RBFOX1: variants seen among roughly 807,000 people sequenced by gnomAD.
RBFOX1 encodes the protein RNA binding fox-1 homolog 1.
A neutral mutation model predicts 57.7 loss-of-function variants in RBFOX1; 8 were observed. The ratio of observed to expected loss-of-function variants is 0.14; its 90% CI spans 0.08 to 0.25. RBFOX1 has a LOEUF of 0.25. Ranked by LOEUF, RBFOX1 falls within the 10% of genes least tolerant of loss-of-function variation. RBFOX1 has a pLI of 1.00. For missense variants in RBFOX1, 611 were observed against 548.5 expected (o/e 1.11, Z -1.14); for synonymous variants, 326 against 222.4 (o/e 1.47, Z -4.15).
rs1596445431 is a variant in RBFOX1 at position 6,021,518 on chromosome 16, C to T, written c.-127+1526C>T. The stretch of plus-strand genomic sequence containing the variant: ...AAAGGTGGTGCTGGCAGTGGCTGTG[C>T]TGGTAAAAAGTGGGGCTGACTCAAA... On this transcript the variant is annotated intron_variant, in intron 1 of 15. Transcript: ENST00000550418. 2.6e-5 allele frequency among the ~76,000 whole-genome samples: 4 copies of T among 152,306 alleles called. No homozygotes were observed. The South Asian group carries it at 8.3e-4, about 32-fold the overall frequency.
intron 4 of RBFOX1, among the ~76,000 whole-genome samples, chr16:7,088,794 G>A (rs1286008370): frequency 6.6e-6 from 1 of 152,178 alleles, no homozygotes; most frequent in Non-Finnish European, 1.5e-5. Flanking sequence ...TAGAGCAGGT[G>A]TTCCCTGCTT....
At chr16:5,960,862 T>G (rs1417192612) in intron 4 of RBFOX1, among the ~76,000 whole-genome samples, 1 of 152,164 alleles carries the variant, frequency 6.6e-6, no homozygotes, top group Non-Finnish European at 1.5e-5. Context: ...AACATGAAGA[T>G]CAATGGTGTT....
At chr16:6,675,046 C>T (rs1168655441) in intron 3 of RBFOX1, among the ~76,000 whole-genome samples, 1 of 152,108 alleles carries the variant, frequency 6.6e-6, no homozygotes, top group Non-Finnish European at 1.5e-5. Flanking sequence ...GCTGGGACTA[C>T]AGGTATGTGC....
intron 3 of RBFOX1, among the ~76,000 whole-genome samples, chr16:6,725,243 G>A (rs112778079): frequency 0.026 from 4,002 of 151,884 alleles, 176 homozygotes; most frequent in African/African-American, 0.09. Context: ...AGTAGGGACA[G>A]GGTTTCACCG....
At chr16:5,973,246 A>C (rs751629173) in intron 4 of RBFOX1, among the ~76,000 whole-genome samples, 116 of 152,216 alleles carry the variant, frequency 7.6e-4, no homozygotes, top group Non-Finnish European at 8.7e-4. Flanking sequence ...AAAATATATG[A>C]ACAGAGTCTA....
intron 3 of RBFOX1, among the ~76,000 whole-genome samples, chr16:6,822,630 A>G (rs2091497205): frequency 1.3e-5 from 2 of 152,200 alleles, no homozygotes; most frequent in East Asian, 1.9e-4. Context: ...GAAGCTGCTC[A>G]TAAGGTATGA....
intron 3 of RBFOX1, among the ~76,000 whole-genome samples, chr16:6,903,288 G>T (rs114601449): frequency 0.02 from 3,066 of 152,292 alleles, 103 homozygotes; most frequent in East Asian, 0.11. Flanking sequence ...CAGGAGGGCT[G>T]ACCGTTCCTA....
At chr16:5,307,898 G>T (rs1257458579) in intron 1 of RBFOX1, among the ~76,000 whole-genome samples, 5 of 152,158 alleles carry the variant, frequency 3.3e-5, no homozygotes, top group African/African-American at 1.2e-4. Flanking sequence ...GGCTGGTCTT[G>T]AGATCCAGGC....
intron 1 of RBFOX1, among the ~76,000 whole-genome samples, chr16:5,280,922 T>C (rs1432455084): frequency 2.0e-5 from 3 of 147,274 alleles, no homozygotes; most frequent in Non-Finnish European, 4.5e-5. Flanking sequence ...ATTTCTTTTT[T>C]GTCTCTGTTG....
intron 4 of RBFOX1, among the ~76,000 whole-genome samples, chr16:5,998,810 T>C (rs1192357664): frequency 6.6e-6 from 1 of 152,220 alleles, no homozygotes; most frequent in Non-Finnish European, 1.5e-5. Flanking sequence ...CCACATCAGA[T>C]GTTACTACGT....
Position 6,724,272 on chromosome 16 carries a change from C to CA in RBFOX1, c.-16+69624dup, listed in dbSNP as rs1157449865. Among the ~76,000 whole-genome samples, 5 of 146,236 alleles carry CA rather than the reference C, an allele frequency of 3.4e-5. No homozygotes were observed. The East Asian group carries it at 1.0e-3, about 29-fold the overall frequency. On this transcript the variant is annotated intron_variant, in intron 3 of 15. Transcript: ENST00000550418. The stretch of plus-strand genomic sequence containing the variant: ...TCACCCATGCTGGTGTGCAGTGGTG[C>CA]AATCTCTGCTGACTGTAACCTCTGC...
chr16:5,937,851 A>G (rs2059198579), intron 4 of RBFOX1, among the ~76,000 whole-genome samples: 1 of 151,256 alleles, frequency 6.6e-6, no homozygotes, highest in African/African-American at 2.4e-5. Flanking sequence ...ATATGGTTAT[A>G]TGTACATATA....
chr16:6,818,471 A>G (rs1224569081), intron 3 of RBFOX1, among the ~76,000 whole-genome samples: 1 of 152,202 alleles, frequency 6.6e-6, no homozygotes, highest in African/African-American at 2.4e-5. Flanking sequence ...TGAGAGTTTT[A>G]TGAGTGAGTA....
chr16:7,438,702 G>C (rs912505176), intron 4 of RBFOX1, among the ~76,000 whole-genome samples: 2 of 152,206 alleles, frequency 1.3e-5, no homozygotes, highest in African/African-American at 4.8e-5. Context: ...GTCGGCTTCA[G>C]AGAGGGTTTC....
chr16:6,658,311 G>A (rs966792590), intron 3 of RBFOX1, among the ~76,000 whole-genome samples: 5 of 151,428 alleles, frequency 3.3e-5, no homozygotes, highest in Non-Finnish European at 7.4e-5. Flanking sequence ...CGTGATCTCA[G>A]CTCATTGCAA....
In RBFOX1 at chr16:5,377,890, T is replaced by A. The variant is rs570134084; in HGVS notation, c.220-89326T>A. ...CACAGGGTCAACATGTGCTTTCTCTTGAGAACAGTTTTCCGTTTGAAACCG... is the reference window on the plus strand; with the variant it reads ...CACAGGGTCAACATGTGCTTTCTCTAGAGAACAGTTTTCCGTTTGAAACCG... On this transcript the variant is annotated intron_variant, in intron 1 of 2. Transcript: ENST00000585867. Among the ~76,000 whole-genome samples the A allele has an allele frequency of 2.0e-5, 3 of 151,860 alleles. No homozygotes were observed. In the East Asian group the frequency reaches 5.8e-4, roughly 29 times the overall value.
At chr16:5,691,686 ATTGTGGATGTC>A (rs2050684446) in intron 3 of RBFOX1, among the ~76,000 whole-genome samples, 1 of 152,204 alleles carries the variant, frequency 6.6e-6, no homozygotes, top group Admixed American at 6.5e-5. Flanking sequence ...ATTTTGGGAA[ATTGTGGATGTC>A]ATGTTTTCAG....
intron 3 of RBFOX1, among the ~76,000 whole-genome samples, chr16:6,769,169 T>G (rs1360999377): frequency 1.3e-5 from 2 of 152,204 alleles, no homozygotes; most frequent in African/African-American, 4.8e-5. Context: ...CACGCTGTTC[T>G]CATGATAGTG....
At chr16:6,438,866 A>G (rs2094305138) in intron 2 of RBFOX1, among the ~76,000 whole-genome samples, 1 of 152,182 alleles carries the variant, frequency 6.6e-6, no homozygotes, top group Admixed American at 6.5e-5. Flanking sequence ...AACATTGTGC[A>G]TGGTACTTTG....
Sources: gnomAD v4.1 joint callset for allele counts (sites outside exome capture counted in the v4.1 genomes callset) on GRCh38, gnomAD v4.1.1 for gene constraint, MANE v1.5 for transcripts, NCBI Gene and HGNC (gene_info 2026-07-23, HGNC 2026-07-21) for gene names.